COX16: variants seen among roughly 807,000 people sequenced by gnomAD.
COX16 encodes the protein cytochrome c oxidase assembly factor COX16, also known as cytochrome c oxidase assembly protein COX16 homolog, mitochondrial.
Under a neutral mutation model 15.4 loss-of-function variants are expected in COX16, and 12 were observed. The observed-to-expected ratio is 0.78, with a 90% CI of 0.50 to 1.26. The LOEUF (loss-of-function observed/expected upper bound fraction) is 1.26. Among genes scored for constraint, COX16 ranks in the 50% most tolerant of loss-of-function variants. The pLI is 0.00. For missense variants in COX16, 124 were observed against 127.6 expected, an observed-to-expected ratio of 0.97 and a Z score of 0.14; for synonymous variants, 46 against 41.1, an observed-to-expected ratio of 1.12 and a Z score of -0.46.
chr14:70,327,158 A>T (rs1185244169), intron 3 of COX16, among the ~76,000 whole-genome samples: 2 of 152,196 alleles, frequency 1.3e-5, no homozygotes, highest in Non-Finnish European at 2.9e-5. Flanking sequence ...TAAGATGGAA[A>T]AAAAAAGCTG....
chr14:70,328,904 C>T (rs890105544), intron 3 of COX16, among the ~76,000 whole-genome samples: 1 of 151,844 alleles, frequency 6.6e-6, no homozygotes, highest in African/African-American at 2.4e-5. Flanking sequence ...GCTTTTTTGA[C>T]TCAAGACAAC....
intron 2 of COX16, among the ~76,000 whole-genome samples, chr14:70,336,660 C>T (rs1361375414): frequency 6.6e-6 from 1 of 152,176 alleles, no homozygotes; most frequent in Non-Finnish European, 1.5e-5. Flanking sequence ...GCACGAGGAA[C>T]TGACTGTATT....
intron 2 of COX16, among the ~76,000 whole-genome samples, chr14:70,336,573 AACAC>A (rs1415066172): frequency 6.6e-6 from 1 of 152,230 alleles, no homozygotes; most frequent in African/African-American, 2.4e-5. Context: ...AAAGGGATAA[AACAC>A]AAACCTACAA....
rs74353890 is a variant in COX16 at position 70,326,298 on chromosome 14, T to TAA, written c.*33_*34dup. On this transcript the variant is annotated 3_prime_UTR_variant, in exon 4 of 4. Coordinates refer to ENST00000389912, the MANE Select transcript of COX16 (RefSeq NM_016468.7). ...AAGTCCAGTTAATAATATTTTTATTTAAAAAAAAAAAAAAGGAAAAAAGAA... is the reference window on the plus strand; with the variant it reads ...AAGTCCAGTTAATAATATTTTTATTTAAAAAAAAAAAAAAAAGGAAAAAAGAA... 646 of 1,102,720 alleles carry TAA rather than the reference T, an allele frequency of 5.9e-4. No homozygotes were observed. Among genetic ancestry groups the TAA allele is most frequent in the African/African-American group, 3.0e-3 (178 of 58,574 alleles). 68.3% of individuals were successfully genotyped at this position (1,102,720 alleles called of 1,614,324 possible). A position where few individuals can be genotyped will look rare whatever the true frequency, so the allele number is the denominator to read the frequency against.
chr14:70,356,484 C>T (rs950113743), intron 1 of COX16, among the ~76,000 whole-genome samples: 2 of 152,050 alleles, frequency 1.3e-5, no homozygotes, highest in Non-Finnish European at 1.5e-5. Context: ...GTTGAGGACC[C>T]CTGCTTTCTA....
At chr14:70,347,009 C>T (rs1300575248) in intron 1 of COX16, among the ~76,000 whole-genome samples, 3 of 152,012 alleles carry the variant, frequency 2.0e-5, no homozygotes, top group Non-Finnish European at 2.9e-5. Context: ...TTTACCTTAT[C>T]CCCCATCCGT....
chr14:70,331,064 G>C (rs1215137621), intron 2 of COX16, among the ~76,000 whole-genome samples: 1 of 152,220 alleles, frequency 6.6e-6, no homozygotes, highest in Non-Finnish European at 1.5e-5. Context: ...CTGGAAAGCA[G>C]TGGCACGATC....
At chr14:70,333,210 T>G (rs747073212) in intron 2 of COX16, among the ~76,000 whole-genome samples, 14 of 152,170 alleles carry the variant, frequency 9.2e-5, no homozygotes, top group African/African-American at 3.4e-4. Context: ...TAGGAAAATA[T>G]GACCTCATCA....
At chr14:70,345,124 G>A (rs1453377706) in intron 1 of COX16, among the ~76,000 whole-genome samples, 1 of 152,200 alleles carries the variant, frequency 6.6e-6, no homozygotes, top group Non-Finnish European at 1.5e-5. Flanking sequence ...ACAGCAGCCA[G>A]ACAAAGGAAG....
intron 2 of COX16, among the ~76,000 whole-genome samples, chr14:70,331,165 G>A (rs1476116334): frequency 6.6e-6 from 1 of 151,972 alleles, no homozygotes; most frequent in Non-Finnish European, 1.5e-5. Context: ...GTGCCACTAC[G>A]CCCGGCTAAT....
In COX16 at chr14:70,326,285, T is replaced by TAATA; in HGVS notation, c.*44_*47dup. 7.3e-7 allele frequency: 1 copy of TAATA among 1,369,390 alleles called. No homozygotes were observed. The highest frequency in any genetic ancestry group is 9.6e-7 in the Non-Finnish European group (1 of 1,045,270). The allele number at this position is 1,369,390 out of a possible 1,614,324, so 84.8% of individuals were successfully genotyped here. On this transcript the variant is annotated 3_prime_UTR_variant, in exon 4 of 4. Transcript: ENST00000389912. ...AGTATATATTAGGAAGTCCAGTTAA[T>TAATA]AATATTTTTATTTAAAAAAAAAAAA...
chr14:70,342,595 A>G (rs1310732580), intron 2 of COX16, 63 bp downstream of exon 2: 7 of 1,534,548 alleles, frequency 4.6e-6, no homozygotes, highest in Admixed American at 4.1e-5. Flanking sequence ...TGAGTATACA[A>G]TTCTCCTAAA....
intron 1 of COX16, among the ~76,000 whole-genome samples, chr14:70,343,622 T>TACA (rs1886687293): frequency 6.6e-6 from 1 of 152,232 alleles, no homozygotes; most frequent in African/African-American, 2.4e-5. Context: ...ACAATATGGC[T>TACA]ATACAGGTCA....
intron 1 of COX16, among the ~76,000 whole-genome samples, chr14:70,343,045 G>GA (rs1886669367): frequency 6.6e-6 from 1 of 150,794 alleles, no homozygotes; most frequent in African/African-American, 2.4e-5. Context: ...TTTTTGCTAA[G>GA]AAAAAAACAA....
At chr14:70,352,631 ATTTC>A (rs1886990727) in intron 1 of COX16, among the ~76,000 whole-genome samples, 1 of 139,226 alleles carries the variant, frequency 7.2e-6, no homozygotes. Context: ...ACACAAATAT[ATTTC>A]TTTTTTTTTC....
At chr14:70,329,442 T>G (rs1295220459) in intron 2 of COX16, among the ~76,000 whole-genome samples, 2 of 152,062 alleles carry the variant, frequency 1.3e-5, no homozygotes, top group Admixed American at 1.3e-4. Context: ...TATCTACTGA[T>G]TACTTGTTAT....
rs1283345511 is a variant in COX16, at chr14:70,359,594, A to G, written c.-7T>C. ...TCACCGCGGGTGCAAACATGAGTGA[A>G]CTCTTCCATCGGCTCAGAACTCCAA... On this transcript the variant is annotated 5_prime_UTR_variant, in exon 1 of 4. Coordinates refer to ENST00000389912, the MANE Select transcript of COX16 (RefSeq NM_016468.7). The G allele has an allele frequency of 1.2e-6, 2 of 1,613,744 alleles. No homozygotes were observed. The highest frequency in any genetic ancestry group is 2.2e-5 in the South Asian group (2 of 91,066).
At chr14:70,332,206 C>A (rs1232952637) in intron 2 of COX16, among the ~76,000 whole-genome samples, 1 of 152,220 alleles carries the variant, frequency 6.6e-6, no homozygotes, top group African/African-American at 2.4e-5. Context: ...CTGAAAGTGA[C>A]CCTGTGGCTC....
At chr14:70,328,749 T>G (rs1392183210) in intron 3 of COX16, among the ~76,000 whole-genome samples, 1 of 152,208 alleles carries the variant, frequency 6.6e-6, no homozygotes, top group Admixed American at 6.5e-5. Context: ...TAATGTGCCA[T>G]GATAAGATTA....
Sources: allele counts gnomAD v4.1 joint callset (sites outside exome capture counted in the v4.1 genomes callset), GRCh38; gene constraint gnomAD v4.1.1; transcripts MANE v1.5; gene names NCBI Gene and HGNC (gene_info 2026-07-23, HGNC 2026-07-21).